The following EPHA6 variants were observed in gnomAD, a reference collection of about 807,000 sequenced individuals.
EPHA6 encodes the protein EPH receptor A6.
EPHA6 carries 50 observed loss-of-function variants against 112.0 expected under a neutral mutation model. That is an observed-to-expected ratio of 0.45 (90% confidence interval 0.36 to 0.56). The LOEUF (loss-of-function observed/expected upper bound fraction) is 0.56, where lower values mean the gene tolerates loss of function less well. EPHA6 is among the 20% of genes least tolerant of loss of function. EPHA6 has a pLI of 0.00. For synonymous variants in EPHA6, 529 were observed against 490.7 expected (o/e 1.08, Z -1.03); for missense variants, 1,280 against 1,417.4 (o/e 0.90, Z 1.56).
chr3:97,635,332 T>G (rs1041482177), intron 13 of EPHA6, among the ~76,000 whole-genome samples: 2 of 152,114 alleles, frequency 1.3e-5, no homozygotes, highest in African/African-American at 4.8e-5. Context: ...AAGCAGTTAA[T>G]CTAAATCTTC....
intron 11 of EPHA6, among the ~76,000 whole-genome samples, chr3:97,584,151 T>C (rs917713434): frequency 6.6e-6 from 1 of 152,216 alleles, no homozygotes; most frequent in Admixed American, 6.5e-5. Flanking sequence ...AATCTGTTAT[T>C]TTACAAAGTC....
In EPHA6 at chr3:96,931,240, C is replaced by A. The variant is rs183629771; in HGVS notation, c.451-56090C>A. Among the ~76,000 whole-genome samples the A allele has an allele frequency of 2.4e-4, 37 of 152,274 alleles. No individual in the cohort carries two copies. In the East Asian group the frequency reaches 7.0e-3, roughly 29 times the overall value. Reference sequence around the variant, plus strand: ...GTCTGAGTCCCAGCTGAAGCCCTGGCTGGGAGGTCCCACCCAGTGAGGAGG... The same window carrying A: ...GTCTGAGTCCCAGCTGAAGCCCTGGATGGGAGGTCCCACCCAGTGAGGAGG... On this transcript the variant is annotated intron_variant, in intron 2 of 17. Transcript: ENST00000389672.
chr3:97,654,702 T>C (rs1459756458), intron 14 of EPHA6, among the ~76,000 whole-genome samples: 3 of 151,912 alleles, frequency 2.0e-5, no homozygotes, highest in Middle Eastern at 3.4e-3. Context: ...AAGCTTGGTG[T>C]ATTTTAAAAC....
intron 3 of EPHA6, among the ~76,000 whole-genome samples, chr3:97,183,966 T>A (rs2077056721): frequency 6.6e-6 from 1 of 152,142 alleles, no homozygotes; most frequent in African/African-American, 2.4e-5. Context: ...AATAATGGCT[T>A]CATTGTTTCA....
chr3:97,001,260 A>G (rs1388765586), intron 3 of EPHA6, among the ~76,000 whole-genome samples: 1 of 151,868 alleles, frequency 6.6e-6, no homozygotes, highest in East Asian at 1.9e-4. Context: ...TTCATGCATT[A>G]TTTGAAGAAT....
At chr3:97,464,344 G>A (rs1391904560) in intron 7 of EPHA6, among the ~76,000 whole-genome samples, 1 of 152,038 alleles carries the variant, frequency 6.6e-6, no homozygotes. Context: ...CTCAGAGGAT[G>A]TTTACTAAGA....
intron 13 of EPHA6, among the ~76,000 whole-genome samples, chr3:97,613,045 A>C (rs1018857518): frequency 2.0e-5 from 3 of 152,014 alleles, no homozygotes; most frequent in African/African-American, 7.2e-5. Flanking sequence ...AGAGTTTCTA[A>C]AAGTCACATT....
chr3:97,457,110 G>T (rs777657455), intron 7 of EPHA6, among the ~76,000 whole-genome samples: 8 of 152,158 alleles, frequency 5.3e-5, no homozygotes, highest in Admixed American at 3.9e-4. Flanking sequence ...AGAACTGTTG[G>T]AATGATTCTT....
rs917695980 is a variant in EPHA6, at chr3:97,753,694, G to A, written c.*4993G>A. ...ACTTGTTCTAGTAAACATAATAATA[G>A]GTATGAACTGCAATGGTGGCATAAA... is the stretch of plus-strand genomic sequence containing the variant. On this transcript the variant is annotated 3_prime_UTR_variant, in exon 18 of 18. Coordinates refer to ENST00000389672, the MANE Select transcript of EPHA6 (RefSeq NM_001080448.3). 6.6e-6 allele frequency among the ~76,000 whole-genome samples: 1 copy of A among 151,974 alleles called. No homozygotes were observed. Among genetic ancestry groups the A allele is most frequent in the Non-Finnish European group, 1.5e-5 (1 of 67,994 alleles).
At chr3:96,861,535 T>A (rs1476119014) in intron 1 of EPHA6, among the ~76,000 whole-genome samples, 1 of 152,012 alleles carries the variant, frequency 6.6e-6, no homozygotes, top group Admixed American at 6.6e-5. Context: ...AGTAGAAAAC[T>A]GAAAGGTGTA....
At chr3:97,346,301 G>A (rs1415673374) in intron 5 of EPHA6, among the ~76,000 whole-genome samples, 2 of 151,964 alleles carry the variant, frequency 1.3e-5, no homozygotes, top group African/African-American at 2.4e-5. Context: ...GAAGAAAATA[G>A]GTACAGAAAA....
chr3:97,273,080 G>A (rs539878940), intron 5 of EPHA6, among the ~76,000 whole-genome samples: 5 of 152,064 alleles, frequency 3.3e-5, no homozygotes, highest in South Asian at 2.1e-4. Context: ...TAGAAGAAAC[G>A]TTTGTCATTT....
chr3:96,829,354 G>A lies in EPHA6; in HGVS notation c.385+14346G>A, dbSNP rs550324965. Among the ~76,000 whole-genome samples the A allele has an allele frequency of 5.3e-5, 8 of 152,200 alleles. No individual in the cohort carries two copies. In the South Asian group the frequency reaches 1.2e-3, roughly 24 times the overall value. ...ACAGATGAGGAAACTGAAGCCTAGGGAGAATAAATAATTACTGTGGGGTCA... is the reference window on the plus strand; with the variant it reads ...ACAGATGAGGAAACTGAAGCCTAGGAAGAATAAATAATTACTGTGGGGTCA... On this transcript the variant is annotated intron_variant, in intron 1 of 17. Coordinates refer to ENST00000389672, the MANE Select transcript of EPHA6 (RefSeq NM_001080448.3).
intron 10 of EPHA6, among the ~76,000 whole-genome samples, chr3:97,500,665 T>G (rs1241824787): frequency 6.6e-6 from 1 of 152,186 alleles, no homozygotes; most frequent in African/African-American, 2.4e-5. Flanking sequence ...TAGTAGATAT[T>G]ATGAAGAAGA....
At chr3:96,986,425 C>T (rs1224690268) in intron 2 of EPHA6, among the ~76,000 whole-genome samples, 1 of 152,084 alleles carries the variant, frequency 6.6e-6, no homozygotes, top group Admixed American at 6.6e-5. Flanking sequence ...GCTTTCAGTG[C>T]CCACTTATGC....
intron 2 of EPHA6, among the ~76,000 whole-genome samples, chr3:96,869,389 A>G (rs1319465863): frequency 1.3e-5 from 2 of 151,180 alleles, no homozygotes; most frequent in African/African-American, 4.9e-5. Flanking sequence ...AAAAAAAAAA[A>G]CGTGAAGGAA....
At chr3:97,478,607 G>C (rs1415437598) in intron 8 of EPHA6, among the ~76,000 whole-genome samples, 14 of 152,028 alleles carry the variant, frequency 9.2e-5, no homozygotes, top group Admixed American at 9.2e-4. Flanking sequence ...ATATTTTGAA[G>C]TATTGCTTAA....
chr3:97,624,494 T>C (rs1379880737), intron 13 of EPHA6, among the ~76,000 whole-genome samples: 2 of 151,594 alleles, frequency 1.3e-5, no homozygotes, highest in African/African-American at 4.8e-5. Context: ...TTAAGGGATA[T>C]TGGTCTATAG....
intron 2 of EPHA6, among the ~76,000 whole-genome samples, chr3:96,938,997 A>T (rs544078337): frequency 0.024 from 3,667 of 152,182 alleles, 74 homozygotes; most frequent in Non-Finnish European, 0.037. Context: ...GTGCTGCTGG[A>T]TTTGGTTTGC....
Sources: allele counts gnomAD v4.1 joint callset (sites outside exome capture counted in the v4.1 genomes callset), GRCh38; gene constraint gnomAD v4.1.1; transcripts MANE v1.5; gene names NCBI Gene and HGNC (gene_info 2026-07-23, HGNC 2026-07-21).